CATSPERE: variants seen among roughly 807,000 people sequenced by gnomAD.
The protein encoded by CATSPERE is cation channel sperm-associated auxiliary subunit epsilon.
CATSPERE carries 93 observed loss-of-function variants against 114.1 expected under a neutral mutation model. That is an observed-to-expected ratio of 0.81 (90% CI 0.69 to 0.97). CATSPERE has a LOEUF of 0.97. CATSPERE is among the 50% of genes least tolerant of loss of function. The pLI is 0.00. For missense variants in CATSPERE, 1,058 were observed against 1,131.6 expected (o/e 0.93, Z 0.93); for synonymous variants, 341 against 384.1 (o/e 0.89, Z 1.31).
At chr1:244,627,452 G>A (rs1017224868) in intron 20 of CATSPERE, among the ~76,000 whole-genome samples, 8 of 151,914 alleles carry the variant, frequency 5.3e-5, no homozygotes, top group East Asian at 1.9e-4. Context: ...GGCATGTGTC[G>A]GTAGTCCTAG....
intron 8 of CATSPERE, among the ~76,000 whole-genome samples, chr1:244,539,092 G>C (rs544350451): frequency 6.6e-6 from 1 of 152,294 alleles, no homozygotes; most frequent in East Asian, 1.9e-4. Flanking sequence ...CCTCTGGAGG[G>C]AGCATCTGGC....
In CATSPERE at chr1:244,568,847, G is replaced by A. The variant is rs1454229402; in HGVS notation, c.1508-3483G>A. 6.6e-6 allele frequency among the ~76,000 whole-genome samples: 1 copy of A among 152,102 alleles called. No individual in the cohort carries two copies. The highest frequency in any genetic ancestry group is 1.5e-5 in the Non-Finnish European group (1 of 68,018). Reference sequence around the variant, plus strand: ...GCTTCAGCCCCCTTTCCAGCGGAGTGAATCGTTCTCTCTCACTGGTGTTCC... The same window carrying A: ...GCTTCAGCCCCCTTTCCAGCGGAGTAAATCGTTCTCTCTCACTGGTGTTCC... On this transcript the variant is annotated intron_variant, in intron 10 of 21. Coordinates refer to ENST00000366534, the MANE Select transcript of CATSPERE (RefSeq NM_001130957.2). This position sits in a 1 kb window ranked among gnomAD's most constrained non-coding sequence, Gnocchi z 4.4.
chr1:244,630,550 A>C (rs756768610), intron 20 of CATSPERE, among the ~76,000 whole-genome samples: 1 of 152,188 alleles, frequency 6.6e-6, no homozygotes, highest in Non-Finnish European at 1.5e-5. Context: ...ATATTCTATC[A>C]GTCCCCAAAA....
At chr1:244,499,447 C>A (rs369428929) in intron 7 of CATSPERE, among the ~76,000 whole-genome samples, 5 of 152,128 alleles carry the variant, frequency 3.3e-5, no homozygotes, top group Admixed American at 6.6e-5. Flanking sequence ...TCTAGGTTTT[C>A]AGCCCTGTAT....
Position 244,568,399 on chromosome 1 carries a change from G to T in CATSPERE, c.1508-3931G>T, listed in dbSNP as rs1259972513. Among the ~76,000 whole-genome samples the T allele has an allele frequency of 6.6e-6, 1 of 152,218 alleles. No homozygotes were observed. Among genetic ancestry groups the T allele is most frequent in the East Asian group, 1.9e-4 (1 of 5,192 alleles). ...CTCGGAGACCCACTGCTTCTTCAGAGCTGGCTCACAGGAACGTTTAAGTCT... is the reference window on the plus strand; with the variant it reads ...CTCGGAGACCCACTGCTTCTTCAGATCTGGCTCACAGGAACGTTTAAGTCT... On this transcript the variant is annotated intron_variant, in intron 10 of 21. Transcript: ENST00000366534. This position sits in a 1 kb window ranked among gnomAD's most constrained non-coding sequence, Gnocchi z 4.4.
At position 244,633,207 on chromosome 1, in the gene CATSPERE, G is replaced by A. The variant is rs1005971906; in HGVS notation, c.2649-2282G>A. On this transcript the variant is annotated intron_variant, in intron 20 of 21. Transcript: ENST00000366534. This position sits in a 1 kb window ranked among gnomAD's most constrained non-coding sequence, Gnocchi z 4.1. ...ACATTCCTTTCTCAGAAATTGATAG[G>A]ACAAGTAGAGAGAAAATCAGTAAGG... Among the ~76,000 whole-genome samples, 3 of 152,144 alleles carry A rather than the reference G, an allele frequency of 2.0e-5. No individual in the cohort carries two copies. Among genetic ancestry groups the A allele is most frequent in the African/African-American group, 4.8e-5 (2 of 41,422 alleles).
rs144909159 is a variant in CATSPERE, at chr1:244,591,290, T to C, written c.2139-391T>C. Among the ~76,000 whole-genome samples the C allele has an allele frequency of 3.3e-5, 5 of 149,430 alleles. No individual in the cohort carries two copies. The East Asian group carries it at 9.7e-4, about 29-fold the overall frequency. On this transcript the variant is annotated intron_variant, in intron 14 of 21. Transcript: ENST00000366534. ...GAAAACACTTCACATCTACTCTCTT[T>C]GCGTTTTTCAAGAATACAATATATC...
rs373097848 is a variant in CATSPERE at position 244,533,173 on chromosome 1, ACTC to A, written c.536+14481_536+14483del. Among the ~76,000 whole-genome samples, 834 of 150,970 alleles carry A rather than the reference ACTC, an allele frequency of 5.5e-3. 9 individuals are homozygous for A. The highest frequency in any genetic ancestry group is 0.019 in the African/African-American group (793 of 41,072). The stretch of plus-strand genomic sequence containing the variant: ...TATTTTGTCTGATATAAGTATAGCT[ACTC>A]CTCCTATTTTGTGCTTTCCATTTGC... On this transcript the variant is annotated intron_variant, in intron 8 of 21. Coordinates refer to ENST00000366534, the MANE Select transcript of CATSPERE (RefSeq NM_001130957.2).
intron 5 of CATSPERE, among the ~76,000 whole-genome samples, chr1:244,489,975 T>C (rs532371710): frequency 1.6e-4 from 25 of 152,188 alleles, no homozygotes; most frequent in Non-Finnish European, 3.5e-4. Flanking sequence ...CCTCAACATT[T>C]AACAGGTTAT....
upstream of CATSPERE, among the ~76,000 whole-genome samples, chr1:244,456,338 G>T (rs1326405750): frequency 1.3e-5 from 2 of 151,746 alleles, no homozygotes; most frequent in Non-Finnish European, 2.9e-5. Flanking sequence ...TTCCTCCAGG[G>T]GCTCCACCCT....
In CATSPERE at chr1:244,540,005, G is replaced by C. The variant is rs12758857; in HGVS notation, c.537-12317G>C. 1.9e-3 allele frequency among the ~76,000 whole-genome samples: 290 copies of C among 151,544 alleles called. 4 individuals carry two copies. The highest frequency in any genetic ancestry group is 3.4e-3 in the Middle Eastern group (1 of 294). On this transcript the variant is annotated intron_variant, in intron 8 of 21. Coordinates refer to ENST00000366534, the MANE Select transcript of CATSPERE (RefSeq NM_001130957.2). ...TCTGCTCTGATTTTAGTTATTTCTT[G>C]CTCAAAATAATAAGAGCTATCTATG...
At chr1:244,578,666 GCTCT>G (rs961793031) in intron 11 of CATSPERE, among the ~76,000 whole-genome samples, 2 of 148,078 alleles carry the variant, frequency 1.4e-5, no homozygotes, top group African/African-American at 2.5e-5. Flanking sequence ...TATATATATA[GCTCT>G]CTCTCTCTGT....
Position 244,479,788 on chromosome 1 carries a change from A to G in CATSPERE, c.326+4A>G. The G allele has an allele frequency of 6.5e-7, 1 of 1,528,882 alleles. No individual in the cohort carries two copies. Among genetic ancestry groups the G allele is most frequent in the Non-Finnish European group, 9.0e-7 (1 of 1,110,318 alleles). 94.7% of individuals were successfully genotyped at this position (1,528,882 alleles called of 1,614,324 possible). A position where few individuals can be genotyped will look rare whatever the true frequency, so the allele number is the denominator to read the frequency against. ...TTCTGTGGTACTATAGAGTTAGGTAAGTAATGCAGTACTGAATAGGTAATT... is the reference window on the plus strand; with the variant it reads ...TTCTGTGGTACTATAGAGTTAGGTAGGTAATGCAGTACTGAATAGGTAATT... On this transcript the variant is annotated splice_donor_region_variant and intron_variant, in intron 5 of 21. Transcript: ENST00000366534.
At chr1:244,460,824 G>A (rs1372198807), upstream of CATSPERE, among the ~76,000 whole-genome samples, 2 of 152,256 alleles carry the variant, frequency 1.3e-5, no homozygotes, top group East Asian at 3.9e-4. Flanking sequence ...TGAAGCAGGA[G>A]AATCGCTTGA....
intron 6 of CATSPERE, among the ~76,000 whole-genome samples, chr1:244,492,562 C>G (rs1437055855): frequency 1.1e-4 from 16 of 151,204 alleles, no homozygotes; most frequent in African/African-American, 3.7e-4. Flanking sequence ...TCTCACCACT[C>G]CTATTCAACA....
intron 19 of CATSPERE, 70 bp downstream of exon 19, chr1:244,610,396 A>G: frequency 9.3e-7 from 1 of 1,081,020 alleles, no homozygotes; most frequent in South Asian, 1.3e-5. Flanking sequence ...ATTAACAAAA[A>G]CTTGATGGAA....
At chr1:244,561,506 C>T (rs1211068938) in intron 10 of CATSPERE, among the ~76,000 whole-genome samples, 1 of 152,216 alleles carries the variant, frequency 6.6e-6, no homozygotes, top group East Asian at 1.9e-4. Flanking sequence ...CTTAAAACAA[C>T]ATAAATGTAT....
intron 10 of CATSPERE, among the ~76,000 whole-genome samples, chr1:244,565,161 T>G (rs1056754151): frequency 1.3e-5 from 2 of 152,240 alleles, no homozygotes; most frequent in African/African-American, 4.8e-5. Flanking sequence ...AGTATTTTAC[T>G]GAGGATTTTT....
chr1:244,606,145 G>A (rs1669969691), intron 18 of CATSPERE, among the ~76,000 whole-genome samples: 1 of 152,114 alleles, frequency 6.6e-6, no homozygotes, highest in South Asian at 2.1e-4. Context: ...CGGACACTCT[G>A]GGCTTCGTCT....
Sources: gnomAD v4.1 joint callset for allele counts (sites outside exome capture counted in the v4.1 genomes callset) on GRCh38, gnomAD v4.1.1 for gene constraint, Gnocchi (gnomAD v3.1) non-coding constraint, MANE v1.5 for transcripts, NCBI Gene and HGNC (gene_info 2026-07-23, HGNC 2026-07-21) for gene names.